The following GTF2IRD1 variants were observed in gnomAD, a reference collection of about 807,000 sequenced individuals.
GTF2IRD1 encodes general transcription factor II-I repeat domain-containing protein 1.
In GTF2IRD1, 26 loss-of-function variants were observed where a neutral mutation model predicts 113.2. That is an observed-to-expected ratio of 0.23 (90% confidence interval 0.17 to 0.32). The LOEUF (loss-of-function observed/expected upper bound fraction) is 0.32. Ranked by LOEUF, GTF2IRD1 falls within the 10% of genes least tolerant of loss-of-function variation. The pLI is 1.00. For synonymous variants in GTF2IRD1, 484 were observed against 529.1 expected (o/e 0.91, Z 1.17); for missense variants, 864 against 1,280.8 (o/e 0.67, Z 4.97).
intron 1 of GTF2IRD1, among the ~76,000 whole-genome samples, chr7:74,482,625 A>C (rs547783362): frequency 6.6e-6 from 1 of 152,152 alleles, no homozygotes; most frequent in Non-Finnish European, 1.5e-5. Flanking sequence ...CAGCACCCAG[A>C]TCAAGAAACA....
rs587776181 is a variant in GTF2IRD1, at chr7:74,602,517, G to A, written c.*84G>A. ...CAAAATGTATATTCGGATATGTATC[G>A]ATGCCTTTTAGTTTTTCCAATGATT... is the stretch of plus-strand genomic sequence containing the variant. On this transcript the variant is annotated 3_prime_UTR_variant, in exon 27 of 27. Transcript: ENST00000424337. 8.8e-6 allele frequency: 10 copies of A among 1,137,460 alleles called. No homozygotes were observed. Among genetic ancestry groups the A allele is most frequent in the South Asian group, 5.5e-5 (4 of 72,280 alleles). The allele number at this position is 1,137,460 out of a possible 1,614,324, so 70.5% of individuals were successfully genotyped here.
At chr7:74,550,059 A>G (rs1252303891) in intron 17 of GTF2IRD1, among the ~76,000 whole-genome samples, 2 of 151,258 alleles carry the variant, frequency 1.3e-5, no homozygotes, top group Admixed American at 6.6e-5. Context: ...TTAGCCAGGC[A>G]TGGTGGCATG....
intron 1 of GTF2IRD1, among the ~76,000 whole-genome samples, chr7:74,501,712 C>T (rs1468830206): frequency 1.3e-5 from 2 of 152,120 alleles, no homozygotes; most frequent in Non-Finnish European, 2.9e-5. Context: ...AGTGCAGTGG[C>T]GTGATCTCTG....
intron 1 of GTF2IRD1, among the ~76,000 whole-genome samples, chr7:74,496,458 CATGTGTGTTCAT>C (rs1795706981): frequency 1.3e-4 from 16 of 125,052 alleles, no homozygotes; most frequent in South Asian, 2.5e-4. Context: ...TGTGGGTGTG[CATGTGTGTTCAT>C]GTGGGTGTGC....
intron 22 of GTF2IRD1, among the ~76,000 whole-genome samples, chr7:74,583,100 C>A (rs1285721592): frequency 6.6e-6 from 1 of 152,144 alleles, no homozygotes; most frequent in Non-Finnish European, 1.5e-5. Context: ...GTTGACTGAG[C>A]TAGAGAATCC....
chr7:74,515,967 C>G (rs1387303254), intron 4 of GTF2IRD1, among the ~76,000 whole-genome samples: 1 of 152,198 alleles, frequency 6.6e-6, no homozygotes, highest in Non-Finnish European at 1.5e-5. Flanking sequence ...GCTCTTCTCT[C>G]CACAGCCTTC....
chr7:74,508,119 C>T lies in GTF2IRD1; in HGVS notation c.39C>T (p.Asn13=), dbSNP rs151198189. The change falls in exon 2 of 27, where the codon AAC becomes AAT. Residue 13 remains asparagine (N), a synonymous_variant. Transcript: ENST00000424337. ...GTAAGCGCTGTGACGTCCCCACCAA[C>T]GGCTGCGGACCCGACCGCTGGAACT... ...LLGKRCDVPT[N]GCGPDRWNSA... is the part of the protein sequence containing the mutation. The T allele has an allele frequency of 8.6e-4, 1,385 of 1,610,872 alleles. 4 individuals carry two copies. The highest frequency in any genetic ancestry group is 2.6e-3 in the Middle Eastern group (16 of 6,062).
intron 22 of GTF2IRD1, among the ~76,000 whole-genome samples, chr7:74,583,492 A>G (rs1554366811): frequency 1.4e-5 from 2 of 145,296 alleles, no homozygotes; most frequent in African/African-American, 5.2e-5. Context: ...ACATCCGGCC[A>G]GTTCTTGGTG....
rs193243595 is a variant in GTF2IRD1, at chr7:74,574,793, A to C, written c.2321-15058A>C. Among the ~76,000 whole-genome samples, 546 of 152,014 alleles carry C rather than the reference A, an allele frequency of 3.6e-3. 7 individuals carry two copies. Among genetic ancestry groups the C allele is most frequent in the African/African-American group, 0.012 (493 of 41,450 alleles). On this transcript the variant is annotated intron_variant, in intron 22 of 26. Coordinates refer to ENST00000424337, the MANE Select transcript of GTF2IRD1 (RefSeq NM_005685.4). ...GACTTTTAATCAACACTGATTAAAA[A>C]AAAAAAAAAACCCGGCTGAGTGCAG...
rs781982819 is a variant in GTF2IRD1, at chr7:74,585,110, GT to G, written c.2321-4721del. On this transcript the variant is annotated intron_variant, in intron 22 of 26. Transcript: ENST00000424337. ...AGCCACCGCGCCCAGCCTGTTTGGT[GT>G]TTTTTTTTTTTTTTTTTTTGAGACG... 8.5e-3 allele frequency among the ~76,000 whole-genome samples: 1,042 copies of G among 121,962 alleles called. 6 individuals are homozygous for G. Among genetic ancestry groups the G allele is most frequent in the African/African-American group, 0.019 (638 of 33,230 alleles). The allele number at this position is 121,962 out of a possible 152,430, so 80.0% of individuals were successfully genotyped here.
chr7:74,523,885 G>A (rs1372376796), intron 7 of GTF2IRD1, among the ~76,000 whole-genome samples, 186 bp from the exon 8 acceptor site: 1 of 152,180 alleles, frequency 6.6e-6, no homozygotes, highest in Non-Finnish European at 1.5e-5. Flanking sequence ...GGCAGGAACG[G>A]GCAGACGGGG....
At chr7:74,579,566 C>T (rs587690730) in intron 22 of GTF2IRD1, among the ~76,000 whole-genome samples, 2 of 151,516 alleles carry the variant, frequency 1.3e-5, no homozygotes, top group East Asian at 3.9e-4. Flanking sequence ...TGCAGTGAGC[C>T]CAGATCACGC....
rs587744597 is a variant in GTF2IRD1, at chr7:74,595,113, A to G, written c.2629+62A>G. ...TGGGGACTAGAGACTGTTCCATTTGAAAAAAGGTAGACCCGGGCGCAGTGG... is the reference window on the plus strand; with the variant it reads ...TGGGGACTAGAGACTGTTCCATTTGGAAAAAGGTAGACCCGGGCGCAGTGG... On this transcript the variant is annotated intron_variant, in intron 25 of 26. Transcript: ENST00000424337. 3 of 1,269,268 alleles carry G rather than the reference A, an allele frequency of 2.4e-6. No homozygotes were observed. In the East Asian group the frequency reaches 7.4e-5, roughly 31 times the overall value. The allele number at this position is 1,269,268 out of a possible 1,614,324, so 78.6% of individuals were successfully genotyped here. A position where few individuals can be genotyped will look rare whatever the true frequency, so the allele number is the denominator to read the frequency against.
intron 8 of GTF2IRD1, among the ~76,000 whole-genome samples, chr7:74,526,163 T>C (rs901281980): frequency 6.6e-6 from 1 of 152,264 alleles, no homozygotes; most frequent in Non-Finnish European, 1.5e-5. Flanking sequence ...GGGAGGGTTC[T>C]GCCCAGGCCA....
intron 1 of GTF2IRD1, among the ~76,000 whole-genome samples, chr7:74,462,943 G>A (rs1420427004): frequency 6.6e-6 from 1 of 152,256 alleles, no homozygotes; most frequent in East Asian, 1.9e-4. Flanking sequence ...GCTGGAGGTT[G>A]AGGGCGGTGC....
rs889437229 is a variant in GTF2IRD1 at position 74,509,487 on chromosome 7, C to G, written c.123+1284C>G. ...GGCAGAGGTTGCAGCGAACCGAGAT[C>G]GTGCCACTGCACTTCAGCCTGGGCA... On this transcript the variant is annotated intron_variant, in intron 2 of 26. Transcript: ENST00000424337. Among the ~76,000 whole-genome samples the G allele has an allele frequency of 1.6e-4, 24 of 150,614 alleles. No homozygotes were observed. The South Asian group carries it at 3.7e-3, about 23-fold the overall frequency.
intron 6 of GTF2IRD1, 132 bp from the exon 7 acceptor site, chr7:74,521,076 C>T (rs587766866): frequency 2.7e-4 from 163 of 598,552 alleles, no homozygotes; most frequent in African/African-American, 2.7e-3. Flanking sequence ...TTTGTGATCA[C>T]AGGAATCAGT....
At chr7:74,463,723 T>G (rs1296445697) in intron 1 of GTF2IRD1, among the ~76,000 whole-genome samples, 2 of 149,680 alleles carry the variant, frequency 1.3e-5, no homozygotes, top group Non-Finnish European at 3.0e-5. Flanking sequence ...CCACTGTTGT[T>G]TTTTGTTTTT....
intron 1 of GTF2IRD1, among the ~76,000 whole-genome samples, chr7:74,475,482 G>A (rs944382159): frequency 2.0e-5 from 3 of 152,262 alleles, no homozygotes; most frequent in Non-Finnish European, 2.9e-5. Flanking sequence ...CCTCATGTAC[G>A]TTCCTGAGAC....
Sources: allele counts gnomAD v4.1 joint callset (sites outside exome capture counted in the v4.1 genomes callset), GRCh38; gene constraint gnomAD v4.1.1; transcripts MANE v1.5; gene names NCBI Gene and HGNC (gene_info 2026-07-23, HGNC 2026-07-21).